The following LMX1B variants were observed in gnomAD, a reference collection of about 807,000 sequenced individuals.
The protein encoded by LMX1B is LIM homeobox transcription factor 1-beta.
Under a neutral mutation model 51.4 loss-of-function variants are expected in LMX1B, and 12 were observed. The ratio of observed to expected loss-of-function variants is 0.23; its 90% CI spans 0.15 to 0.38. The LOEUF is 0.38. Ranked by LOEUF, LMX1B falls within the 10% of genes least tolerant of loss-of-function variation. The pLI is 1.00. For missense variants in LMX1B, 445 were observed against 571.1 expected (o/e 0.78, Z 2.25); for synonymous variants, 237 against 235.4 (o/e 1.01, Z -0.06).
Position 126,693,336 on chromosome 9 carries a change from C to G in LMX1B, c.741+13C>G. Reference sequence around the variant, plus strand: ...GCCTTGCCGAAAGGTGAGGGGCGGCCGGGGGGCGGGGCTCAGGCTGATGCC... The same window carrying G: ...GCCTTGCCGAAAGGTGAGGGGCGGCGGGGGGGCGGGGCTCAGGCTGATGCC... On this transcript the variant is annotated intron_variant, in intron 4 of 7. Transcript: ENST00000373474. 6.3e-7 allele frequency: 1 copy of G among 1,581,586 alleles called. No homozygotes were observed. The highest frequency in any genetic ancestry group is 8.6e-7 in the Non-Finnish European group (1 of 1,164,504).
chr9:126,653,312 A>T (rs950687494), intron 2 of LMX1B, among the ~76,000 whole-genome samples: 1 of 151,608 alleles, frequency 6.6e-6, no homozygotes, highest in Non-Finnish European at 1.5e-5. Context: ...ATGCCACCAC[A>T]TCCACTAATT....
intron 2 of LMX1B, among the ~76,000 whole-genome samples, chr9:126,657,530 G>C (rs7853249): frequency 6.6e-6 from 1 of 152,042 alleles, no homozygotes; most frequent in Non-Finnish European, 1.5e-5. Flanking sequence ...CAGGACTGGG[G>C]TTGGGGGGAG....
chr9:126,690,399 T>G (rs528225994), intron 2 of LMX1B, among the ~76,000 whole-genome samples: 1 of 151,910 alleles, frequency 6.6e-6, no homozygotes, highest in South Asian at 2.1e-4. Flanking sequence ...GGCTGGGCAG[T>G]GGGTTGGGCA....
At chr9:126,668,676 A>G (rs1428133544) in intron 2 of LMX1B, among the ~76,000 whole-genome samples, 1 of 151,752 alleles carries the variant, frequency 6.6e-6, no homozygotes. Flanking sequence ...CTGTTCTCCA[A>G]CTCCTGACCT....
chr9:126,671,531 G>A lies in LMX1B; in HGVS notation c.327-19305G>A, dbSNP rs1044260376. 1.3e-5 allele frequency among the ~76,000 whole-genome samples: 2 copies of A among 152,082 alleles called. No individual in the cohort carries two copies. Among genetic ancestry groups the A allele is most frequent in the African/African-American group, 2.4e-5 (1 of 41,410 alleles). On this transcript the variant is annotated intron_variant, in intron 2 of 7. Coordinates refer to ENST00000373474, the MANE Select transcript of LMX1B (RefSeq NM_001174147.2). This position sits in a 1 kb window ranked among gnomAD's most constrained non-coding sequence, Gnocchi z 4.4. ...CTGATTCCAACTAATTAAATCCTGC[G>A]CCAAGAGCCCACTCCAGCCGGTATC... is the stretch of plus-strand genomic sequence containing the variant.
At position 126,689,025 on chromosome 9, in the gene LMX1B, C is replaced by G. The variant is rs916087758; in HGVS notation, c.327-1811C>G. Among the ~76,000 whole-genome samples the G allele has an allele frequency of 5.9e-5, 9 of 152,324 alleles. No homozygotes were observed. In the South Asian group the frequency reaches 1.7e-3, roughly 28 times the overall value. Reference sequence around the variant, plus strand: ...ACAGCCTTCAGGAAGGGCTTGACATCTCCATTTTACAGGAGTAAACTGAGG... The same window carrying G: ...ACAGCCTTCAGGAAGGGCTTGACATGTCCATTTTACAGGAGTAAACTGAGG... On this transcript the variant is annotated intron_variant, in intron 2 of 7. Transcript: ENST00000373474.
At chr9:126,665,475 G>A (rs1012464867) in intron 2 of LMX1B, among the ~76,000 whole-genome samples, 7 of 152,228 alleles carry the variant, frequency 4.6e-5, no homozygotes, top group African/African-American at 7.2e-5. Context: ...GAAAAGGCTC[G>A]CCCAGTTTGG....
At chr9:126,635,858 G>A (rs1835705558) in intron 2 of LMX1B, among the ~76,000 whole-genome samples, 1 of 152,180 alleles carries the variant, frequency 6.6e-6, no homozygotes, top group African/African-American at 2.4e-5. Context: ...AGGAGGGGAG[G>A]GCCTGAGGCT....
intron 2 of LMX1B, among the ~76,000 whole-genome samples, chr9:126,654,972 C>T (rs370330674): frequency 9.9e-5 from 15 of 152,236 alleles, no homozygotes; most frequent in African/African-American, 3.1e-4. Context: ...TACCCCCATC[C>T]CCCACAGCTG....
At position 126,697,399 on chromosome 9, in the gene LMX1B, A is replaced by C. The variant is rs981442937; in HGVS notation, c.*948A>C. ...AGCCTCCAGGGGTCAGGGACTTCAG[A>C]AGCACCTGCTGGGCACCCCATCTGC... On this transcript the variant is annotated 3_prime_UTR_variant, in exon 8 of 8. Coordinates refer to ENST00000373474, the MANE Select transcript of LMX1B (RefSeq NM_001174147.2). 2.0e-5 allele frequency: 3 copies of C among 152,308 alleles called. No homozygotes were observed. The highest frequency in any genetic ancestry group is 7.2e-5 in the African/African-American group (3 of 41,390). 9.4% of individuals were successfully genotyped at this position (152,308 alleles called of 1,614,324 possible). A position where few individuals can be genotyped will look rare whatever the true frequency, so the allele number is the denominator to read the frequency against.
chr9:126,634,512 C>T (rs994554729), intron 2 of LMX1B, among the ~76,000 whole-genome samples: 20 of 152,098 alleles, frequency 1.3e-4, no homozygotes, highest in Admixed American at 1.1e-3. Flanking sequence ...CAGGAGCAGA[C>T]CCGGTGCACA....
At chr9:126,653,368 C>T (rs917640519) in intron 2 of LMX1B, among the ~76,000 whole-genome samples, 1 of 151,918 alleles carries the variant, frequency 6.6e-6, no homozygotes, top group African/African-American at 2.4e-5. Context: ...GTTGCTCAAC[C>T]TGGTCTCCAA....
At chr9:126,631,312 T>TA (rs1380845027) in intron 2 of LMX1B, among the ~76,000 whole-genome samples, 3 of 152,204 alleles carry the variant, frequency 2.0e-5, no homozygotes, top group Non-Finnish European at 2.9e-5. Flanking sequence ...TAATGATTTG[T>TA]AAAAGGAAAC....
chr9:126,624,977 G>T (rs1396538069), intron 2 of LMX1B, among the ~76,000 whole-genome samples: 1 of 152,186 alleles, frequency 6.6e-6, no homozygotes, highest in Non-Finnish European at 1.5e-5. Flanking sequence ...ATAAGATTAT[G>T]TCACGAACAC....
chr9:126,686,919 C>G (rs1403591440), intron 2 of LMX1B, among the ~76,000 whole-genome samples: 1 of 152,186 alleles, frequency 6.6e-6, no homozygotes, highest in African/African-American at 2.4e-5. Context: ...AGACTGATAA[C>G]GGAGCCAGGA....
chr9:126,684,399 T>C (rs1836735635), intron 2 of LMX1B, among the ~76,000 whole-genome samples: 1 of 152,018 alleles, frequency 6.6e-6, no homozygotes, highest in African/African-American at 2.4e-5. Flanking sequence ...CCTATTAAGA[T>C]CCCTCCTGTG....
chr9:126,640,347 C>T (rs1835786581), intron 2 of LMX1B, among the ~76,000 whole-genome samples: 1 of 152,156 alleles, frequency 6.6e-6, no homozygotes, highest in Admixed American at 6.5e-5. Flanking sequence ...GGTATGGGAC[C>T]CCTCCAAGTG....
At chr9:126,639,315 C>T (rs1030426433) in intron 2 of LMX1B, among the ~76,000 whole-genome samples, 21 of 152,114 alleles carry the variant, frequency 1.4e-4, no homozygotes, top group African/African-American at 4.8e-4. Context: ...CCCGAGGGCT[C>T]GGTAATGGGG....
At chr9:126,627,342 A>G (rs941792172) in intron 2 of LMX1B, among the ~76,000 whole-genome samples, 16 of 152,066 alleles carry the variant, frequency 1.1e-4, no homozygotes, top group Middle Eastern at 3.4e-3. Context: ...TTCTGACTTC[A>G]TTGATTCTAT....
Sources: allele counts gnomAD v4.1 joint callset (sites outside exome capture counted in the v4.1 genomes callset), GRCh38; gene constraint gnomAD v4.1.1; non-coding constraint Gnocchi (gnomAD v3.1); transcripts MANE v1.5; gene names NCBI Gene and HGNC (gene_info 2026-07-23, HGNC 2026-07-21).